Variants in NOS1AP observed in about 807,000 individuals in gnomAD.
NOS1AP encodes nitric oxide synthase 1 adaptor protein, also known as carboxyl-terminal PDZ ligand of neuronal nitric oxide synthase protein.
In NOS1AP, 21 loss-of-function variants were observed where a neutral mutation model predicts 56.2. The ratio of observed to expected loss-of-function variants is 0.37; its 90% CI spans 0.26 to 0.54. NOS1AP has a LOEUF of 0.54. NOS1AP is among the 20% of genes least tolerant of loss of function. NOS1AP has a pLI of 0.84. For missense variants in NOS1AP, 522 were observed against 657.8 expected (o/e 0.79, Z 2.26); for synonymous variants, 270 against 274.6 (o/e 0.98, Z 0.17).
At chr1:162,356,516 C>A (rs774998794) in intron 7 of NOS1AP, among the ~76,000 whole-genome samples, 1 of 152,146 alleles carries the variant, frequency 6.6e-6, no homozygotes, top group South Asian at 2.1e-4. Context: ...CATCTCAGAC[C>A]CTGGAGGAGG....
intron 2 of NOS1AP, among the ~76,000 whole-genome samples, chr1:162,272,592 A>T (rs1654616901): frequency 6.6e-6 from 1 of 152,186 alleles, no homozygotes; most frequent in Admixed American, 6.5e-5. Context: ...TGATTTCATC[A>T]GCTGCCACCC....
intron 2 of NOS1AP, among the ~76,000 whole-genome samples, chr1:162,276,901 G>C (rs1654749624): frequency 6.6e-6 from 1 of 152,178 alleles, no homozygotes; most frequent in Non-Finnish European, 1.5e-5. Flanking sequence ...ATGTAACTCA[G>C]AATATTGACA....
chr1:162,092,597 A>G (rs1178970054), intron 1 of NOS1AP, among the ~76,000 whole-genome samples: 1 of 152,174 alleles, frequency 6.6e-6, no homozygotes, highest in African/African-American at 2.4e-5. Flanking sequence ...TCTTTGGGCA[A>G]GAAGATAGTA....
intron 1 of NOS1AP, among the ~76,000 whole-genome samples, chr1:162,116,632 G>C (rs1647967036): frequency 6.6e-6 from 1 of 152,178 alleles, no homozygotes; most frequent in Non-Finnish European, 1.5e-5. Context: ...ATGCAGTGAG[G>C]TTTTCTTTCA....
At chr1:162,117,350 T>C (rs930647738) in intron 1 of NOS1AP, among the ~76,000 whole-genome samples, 3 of 152,232 alleles carry the variant, frequency 2.0e-5, no homozygotes, top group African/African-American at 4.8e-5. Flanking sequence ...TCTGACACTT[T>C]AGTCTGACTG....
chr1:162,194,806 G>A (rs1557828179), intron 2 of NOS1AP, among the ~76,000 whole-genome samples: 1 of 152,186 alleles, frequency 6.6e-6, no homozygotes, highest in Non-Finnish European at 1.5e-5. Context: ...CCTCTAGGAA[G>A]TAGAACTTCA....
intron 2 of NOS1AP, among the ~76,000 whole-genome samples, chr1:162,179,240 T>C (rs1318735550): frequency 6.6e-6 from 1 of 152,200 alleles, no homozygotes; most frequent in East Asian, 1.9e-4. Context: ...TGTTTACACC[T>C]CATAAAAATC....
chr1:162,198,309 G>T (rs943965029), intron 2 of NOS1AP, among the ~76,000 whole-genome samples: 36 of 152,174 alleles, frequency 2.4e-4, no homozygotes, highest in Admixed American at 1.5e-3. Flanking sequence ...AGGTGCTGAG[G>T]TTTAAACTTT....
At chr1:162,202,291 T>TA (rs1652020438) in intron 2 of NOS1AP, among the ~76,000 whole-genome samples, 1 of 152,208 alleles carries the variant, frequency 6.6e-6, no homozygotes, top group Non-Finnish European at 1.5e-5. Context: ...ATAATTTTTT[T>TA]AAAAAATCAG....
intron 6 of NOS1AP, among the ~76,000 whole-genome samples, chr1:162,351,250 T>C (rs762177364): frequency 6.6e-6 from 1 of 152,242 alleles, no homozygotes; most frequent in Non-Finnish European, 1.5e-5. Context: ...GTTTAAGCTG[T>C]TATTGTTGCA....
chr1:162,359,304 G>A (rs1657807795), intron 8 of NOS1AP, among the ~76,000 whole-genome samples: 1 of 152,220 alleles, frequency 6.6e-6, no homozygotes, highest in South Asian at 2.1e-4. Flanking sequence ...TTTAGGGAGA[G>A]TCTTAGGCTT....
intron 3 of NOS1AP, among the ~76,000 whole-genome samples, chr1:162,298,268 G>A (rs919789542): frequency 3.9e-5 from 6 of 152,212 alleles, no homozygotes; most frequent in Admixed American, 6.5e-5. Context: ...GGTAATGAGT[G>A]TACCACACCA....
chr1:162,093,956 T>C (rs1269926779), intron 1 of NOS1AP, among the ~76,000 whole-genome samples: 1 of 152,226 alleles, frequency 6.6e-6, no homozygotes, highest in Non-Finnish European at 1.5e-5. Flanking sequence ...ATGTTTCTAA[T>C]GATTTTGACC....
chr1:162,112,937 G>A (rs182326840), intron 1 of NOS1AP, among the ~76,000 whole-genome samples: 3 of 152,252 alleles, frequency 2.0e-5, no homozygotes, highest in East Asian at 3.9e-4. Flanking sequence ...AAAAGATATG[G>A]GAATTCAGAG....
At chr1:162,088,500 C>T (rs1011162247) in intron 1 of NOS1AP, among the ~76,000 whole-genome samples, 4 of 152,102 alleles carry the variant, frequency 2.6e-5, no homozygotes, top group African/African-American at 4.8e-5. Context: ...TTCAGATTAT[C>T]GAGCCTGATT....
chr1:162,295,973 G>A (rs1252238913), intron 3 of NOS1AP, among the ~76,000 whole-genome samples: 2 of 152,118 alleles, frequency 1.3e-5, no homozygotes, highest in African/African-American at 4.8e-5. Context: ...CATTCAGGCT[G>A]TGAGGAGATT....
At position 162,234,156 on chromosome 1, in the gene NOS1AP, T is replaced by A. The variant is rs192470370; in HGVS notation, c.178-53188T>A. Among the ~76,000 whole-genome samples, 144 of 152,230 alleles carry A rather than the reference T, an allele frequency of 9.5e-4. 2 individuals carry two copies. The highest frequency in any genetic ancestry group is 1.5e-5 in the Non-Finnish European group (1 of 68,014). On this transcript the variant is annotated intron_variant, in intron 2 of 9. Coordinates refer to ENST00000361897, the MANE Select transcript of NOS1AP (RefSeq NM_014697.3). Reference sequence around the variant, plus strand: ...GTGCTGAGGAAGCACATTTTGCTCATGGACAAGGGGGCATGGTATCTGGAC... The same window carrying A: ...GTGCTGAGGAAGCACATTTTGCTCAAGGACAAGGGGGCATGGTATCTGGAC...
chr1:162,289,214 TTCCTTCCTTCCTTCC>T (rs1655190364), intron 3 of NOS1AP, among the ~76,000 whole-genome samples: 1 of 15,382 alleles, frequency 6.5e-5, no homozygotes, highest in African/African-American at 2.6e-4. Flanking sequence ...CTTCCTTTCC[TTCCTTCCTTCCTTCC>T]TTCCTTCCTT....
intron 1 of NOS1AP, among the ~76,000 whole-genome samples, chr1:162,088,576 A>G (rs1338484033): frequency 6.6e-6 from 1 of 152,176 alleles, no homozygotes; most frequent in African/African-American, 2.4e-5. Context: ...GTTACTGGAT[A>G]TACTTGGGGA....
Sources: allele counts gnomAD v4.1 joint callset (sites outside exome capture counted in the v4.1 genomes callset), GRCh38; gene constraint gnomAD v4.1.1; transcripts MANE v1.5; gene names NCBI Gene and HGNC (gene_info 2026-07-23, HGNC 2026-07-21).